The following AHSG variants were observed in gnomAD, a reference collection of about 807,000 sequenced individuals.
The protein encoded by AHSG is alpha-2-HS-glycoprotein.
AHSG carries 23 observed loss-of-function variants against 30.1 expected under a neutral mutation model. The ratio of observed to expected loss-of-function variants is 0.76; its 90% CI spans 0.55 to 1.08. The LOEUF (loss-of-function observed/expected upper bound fraction) is 1.08. Among genes scored for constraint, AHSG ranks in the 50% least tolerant of loss-of-function variants. The pLI is 0.00. For synonymous variants in AHSG, 164 were observed against 186.3 expected (o/e 0.88, Z 0.98); for missense variants, 469 against 459.5 (o/e 1.02, Z -0.19).
rs568073618 is a variant in AHSG, at chr3:186,621,027, C to T, written c.*97C>T. On this transcript the variant is annotated 3_prime_UTR_variant, in exon 7 of 7. Coordinates refer to ENST00000411641, the MANE Select transcript of AHSG (RefSeq NM_001622.4). ...GGTGGGGGGCCTTGTCTGCTGGCCA[C>T]GCAAGTGTCACATGCGATCTACATT... 253 of 1,193,072 alleles carry T rather than the reference C, an allele frequency of 2.1e-4. No individual in the cohort carries two copies. The highest frequency in any genetic ancestry group is 3.5e-4 in the African/African-American group (23 of 66,158). 73.9% of individuals were successfully genotyped at this position (1,193,072 alleles called of 1,614,324 possible). A position where few individuals can be genotyped will look rare whatever the true frequency, so the allele number is the denominator to read the frequency against.
rs1426415837 is a variant in AHSG, at chr3:186,620,662, C to T, written c.836C>T (p.Pro279Leu). 8 of 1,614,008 alleles carry T rather than the reference C, an allele frequency of 5.0e-6. No homozygotes were observed. Among genetic ancestry groups the T allele is most frequent in the Non-Finnish European group, 5.9e-6 (7 of 1,180,020 alleles). The change falls in exon 7 of 7, where the codon CCG becomes CTG. Residue 279 changes from proline to leucine, a missense_variant. By Grantham distance (98) the Pro-to-Leu change is moderately conservative. Coordinates refer to ENST00000411641, the MANE Select transcript of AHSG (RefSeq NM_001622.4). The stretch of plus-strand genomic sequence containing the variant: ...CCCGTGGTGGACCCAGATGCACCTC[C>T]GTCCCCTCCACTTGGCGCACCTGGA... ...PTPVVDPDAP[P>L]SPPLGAPGLP...
At chr3:186,620,518 TG>T in intron 6 of AHSG, 67 bp from the exon 7 acceptor site, 1 of 1,395,126 alleles carries the variant, frequency 7.2e-7, no homozygotes, top group South Asian at 1.3e-5. Context: ...CAGTGCCACC[TG>T]GGCCTGTGGG....
chr3:186,617,544 A>C, intron 4 of AHSG, 194 bp downstream of exon 4: 1 of 1,036,344 alleles, frequency 9.6e-7, no homozygotes, highest in Non-Finnish European at 1.4e-6. Context: ...GGACCCCAAC[A>C]CCCTCAGCGC....
intron 3 of AHSG, among the ~76,000 whole-genome samples, 155 bp from the exon 4 acceptor site, chr3:186,617,032 T>C (rs1436463787): frequency 1.3e-5 from 2 of 152,196 alleles, no homozygotes; most frequent in African/African-American, 4.8e-5. Flanking sequence ...CCTGCAGAAA[T>C]GTCAGCATAG....
At position 186,620,775 on chromosome 3, in the gene AHSG, C is replaced by T. The variant is rs35457250; in HGVS notation, c.949C>T (p.Arg317Cys). The T allele has an allele frequency of 9.3e-3, 14,954 of 1,614,152 alleles. 111 individuals carry two copies. Among genetic ancestry groups the T allele is most frequent in the Non-Finnish European group, 9.9e-3 (11,669 of 1,180,018 alleles). The change falls in exon 7 of 7, where the codon CGC becomes TGC. Residue 317 changes from arginine to cysteine, a missense_variant. Physicochemically the swap from Arg to Cys is radical, Grantham distance 180 (BLOSUM62 -3). Transcript: ENST00000411641. ...GTTGCACCGGGCGCACTACGACCTG[C>T]GCCACACCTTCATGGGTGTGGTCTC... Reference protein sequence around the residue: ...HQLHRAHYDLRHTFMGVVSLG... With the variant: ...HQLHRAHYDLCHTFMGVVSLG...
intron 4 of AHSG, chr3:186,617,935 G>C (rs116298014): frequency 1.5e-3 from 266 of 171,866 alleles, no homozygotes; most frequent in African/African-American, 6.0e-3. Flanking sequence ...CGCTAGTATA[G>C]ACGGCAATTC....
chr3:186,614,396 T>C (rs1470206014), intron 1 of AHSG, among the ~76,000 whole-genome samples: 1 of 152,164 alleles, frequency 6.6e-6, no homozygotes, highest in African/African-American at 2.4e-5. Flanking sequence ...AAAGGCACAA[T>C]ATGTGCCCAC....
At chr3:186,613,776 A>C (rs192421470) in intron 1 of AHSG, among the ~76,000 whole-genome samples, 9 of 152,198 alleles carry the variant, frequency 5.9e-5, no homozygotes, top group Admixed American at 5.2e-4. Flanking sequence ...GATGCCTACT[A>C]TATGCCAGGC....
chr3:186,615,710 T>C lies in AHSG; in HGVS notation c.239T>C (p.Ile80Thr), dbSNP rs1334139690. 1.2e-6 allele frequency: 2 copies of C among 1,614,222 alleles called. No homozygotes were observed. Among genetic ancestry groups the C allele is most frequent in the Non-Finnish European group, 1.7e-6 (2 of 1,180,042 alleles). ...PQQPSGELFE[I>T]EIDTLETTCH... Reference sequence around the variant, plus strand: ...CAGCCCTCCGGAGAGCTGTTTGAGATTGAAATAGACACCCTGGAAACCACC... The same window carrying C: ...CAGCCCTCCGGAGAGCTGTTTGAGACTGAAATAGACACCCTGGAAACCACC... Residue 80 changes from isoleucine (I) to threonine (T), a missense_variant, in exon 2 of 7, where the codon ATT (isoleucine) becomes ACT (threonine). Coordinates refer to ENST00000411641, the MANE Select transcript of AHSG (RefSeq NM_001622.4).
In AHSG at chr3:186,620,889, G is replaced by A. The variant is rs1716472871; in HGVS notation, c.1063G>A (p.Val355Ile). 1.9e-6 allele frequency: 3 copies of A among 1,613,972 alleles called. No individual in the cohort carries two copies. The highest frequency in any genetic ancestry group is 1.7e-5 in the Admixed American group (1 of 60,010). ...PSVGAAAGPV[V>I]PPCPGRIRHF... The stretch of plus-strand genomic sequence containing the variant: ...TGTTGGTGCTGCTGCTGGGCCAGTG[G>A]TTCCTCCATGTCCGGGGAGGATCAG... Residue 355 changes from valine (V) to isoleucine (I), a missense_variant, in exon 7 of 7, where the codon GTT (valine) becomes ATT (isoleucine). Coordinates refer to ENST00000411641, the MANE Select transcript of AHSG (RefSeq NM_001622.4).
chr3:186,618,419 C>T lies in AHSG; in HGVS notation c.574-117C>T, dbSNP rs547242951. 67 of 1,487,346 alleles carry T rather than the reference C, an allele frequency of 4.5e-5. No homozygotes were observed. In the South Asian group the frequency reaches 5.7e-4, roughly 13 times the overall value. 92.1% of individuals were successfully genotyped at this position (1,487,346 alleles called of 1,614,324 possible). A position where few individuals can be genotyped will look rare whatever the true frequency, so the allele number is the denominator to read the frequency against. ...CCATTGAGGGACATGTCTTCTGGGC[C>T]GACGCATGGTCTGCATGAATGGTGC... On this transcript the variant is annotated intron_variant, in intron 4 of 6. Transcript: ENST00000411641.
At chr3:186,617,834 C>CTG (rs1234832208) in intron 4 of AHSG, 1 of 228,360 alleles carries the variant, frequency 4.4e-6, no homozygotes, top group African/African-American at 2.3e-5. Flanking sequence ...TCTCATTGTA[C>CTG]TGTGGGTGGT....
At chr3:186,618,833 C>T (rs1463416023) in intron 5 of AHSG, among the ~76,000 whole-genome samples, 196 bp downstream of exon 5, 3 of 152,206 alleles carry the variant, frequency 2.0e-5, no homozygotes, top group African/African-American at 7.2e-5. Context: ...TCATCTCACC[C>T]ACTGGAAGCA....
At position 186,617,167 on chromosome 3, in the gene AHSG, G is replaced by T. The variant is rs1716328902; in HGVS notation, c.410-20G>T. 2.5e-6 allele frequency: 4 copies of T among 1,598,240 alleles called. No individual in the cohort carries two copies. Among genetic ancestry groups the T allele is most frequent in the Non-Finnish European group, 3.4e-6 (4 of 1,172,164 alleles). ...CAGGGAGAATGGCTGCCCACATCCTGGTTTCCTCTCTCCGAGCAGACTCAG... is the reference window on the plus strand; with the variant it reads ...CAGGGAGAATGGCTGCCCACATCCTTGTTTCCTCTCTCCGAGCAGACTCAG... On this transcript the variant is annotated intron_variant, in intron 3 of 6. Coordinates refer to ENST00000411641, the MANE Select transcript of AHSG (RefSeq NM_001622.4).
At chr3:186,620,139 G>T (rs1402270449) in intron 6 of AHSG, among the ~76,000 whole-genome samples, 199 bp downstream of exon 6, 1 of 152,204 alleles carries the variant, frequency 6.6e-6, no homozygotes, top group Non-Finnish European at 1.5e-5. Context: ...ACGAACTAGT[G>T]ACTACAGGGA....
rs1461515819 is a variant in AHSG, at chr3:186,619,895, T to C, written c.714T>C (p.Leu238=). 6.2e-7 allele frequency: 1 copy of C among 1,613,600 alleles called. No homozygotes were observed. The change falls in exon 6 of 7, where the codon CTT becomes CTC. Residue 238 remains leucine (L), a synonymous_variant. Coordinates refer to ENST00000411641, the MANE Select transcript of AHSG (RefSeq NM_001622.4). ...GFCKATLSEK[L]GGAEVAVTCM... ...GTAAGGCAACACTCAGTGAGAAGCTTGGTGGGGCAGAGGTTGCAGTGACCT... is the reference window on the plus strand; with the variant it reads ...GTAAGGCAACACTCAGTGAGAAGCTCGGTGGGGCAGAGGTTGCAGTGACCT...
Position 186,621,111 on chromosome 3 carries a change from G to A in AHSG, c.*181G>A. On this transcript the variant is annotated 3_prime_UTR_variant, in exon 7 of 7. Coordinates refer to ENST00000411641, the MANE Select transcript of AHSG (RefSeq NM_001622.4). ...TCCTCACAGGACAGAAGCAGAGTGG[G>A]TGGTGGTTATGTTTGACAGAAGGCA... The A allele has an allele frequency of 1.6e-6, 1 of 629,380 alleles. No individual in the cohort carries two copies. The highest frequency in any genetic ancestry group is 2.7e-6 in the Non-Finnish European group (1 of 368,142). The allele number at this position is 629,380 out of a possible 1,614,324, so 39.0% of individuals were successfully genotyped here.
chr3:186,617,855 G>A (rs1245279107), intron 4 of AHSG: 7 of 189,980 alleles, frequency 3.7e-5, no homozygotes, highest in Admixed American at 3.2e-4. Flanking sequence ...TTAGCACATT[G>A]GAATTCAACA....
Position 186,620,732 on chromosome 3 carries a change from A to T in AHSG, c.906A>T (p.Ala302=), listed in dbSNP as rs1204202652. The T allele has an allele frequency of 1.2e-6, 2 of 1,614,134 alleles. No homozygotes were observed. Among genetic ancestry groups the T allele is most frequent in the African/African-American group, 1.3e-5 (1 of 75,006 alleles). ...CCCCAGACTCCCATGTGTTACTGGC[A>T]GCTCCTCCAGGACACCAGTTGCACC... ...GSPPDSHVLL[A]APPGHQLHRA... The change falls in exon 7 of 7, where the codon GCA becomes GCT. Residue 302 remains alanine (A), a synonymous_variant. Coordinates refer to ENST00000411641, the MANE Select transcript of AHSG (RefSeq NM_001622.4).
Sources: gnomAD v4.1 joint callset for allele counts (sites outside exome capture counted in the v4.1 genomes callset) on GRCh38, gnomAD v4.1.1 for gene constraint, MANE v1.5 for transcripts, NCBI Gene and HGNC (gene_info 2026-07-23, HGNC 2026-07-21) for gene names.